The following CPLX2 variants were observed in gnomAD, a reference collection of about 807,000 sequenced individuals.
CPLX2 encodes complexin 2.
In CPLX2, 5 loss-of-function variants were observed where a neutral mutation model predicts 16.3. The observed-to-expected ratio is 0.31, with a 90% CI of 0.16 to 0.64. The LOEUF (loss-of-function observed/expected upper bound fraction) is 0.64, where lower values mean the gene tolerates loss of function less well. Among genes scored for constraint, CPLX2 ranks in the 30% least tolerant of loss-of-function variants. The probability of loss-of-function intolerance (pLI) is 0.79; values close to 1 mark genes in which losing one functional copy is unlikely to be tolerated. For synonymous variants in CPLX2, 89 were observed against 73.2 expected (o/e 1.22, Z -1.10); for missense variants, 144 against 181.4 (o/e 0.79, Z 1.18).
chr5:175,832,115 T>C (rs1350295123), intron 2 of CPLX2, among the ~76,000 whole-genome samples: 1 of 152,156 alleles, frequency 6.6e-6, no homozygotes, highest in Non-Finnish European at 1.5e-5. Flanking sequence ...CCAAAAAGGT[T>C]CCTGGCCCTG....
chr5:175,814,271 A>G (rs892880718), intron 2 of CPLX2, among the ~76,000 whole-genome samples: 2 of 152,186 alleles, frequency 1.3e-5, no homozygotes, highest in Non-Finnish European at 2.9e-5. Context: ...CCTAAGAAGG[A>G]GGGAGATTGC....
intron 1 of CPLX2, among the ~76,000 whole-genome samples, chr5:175,801,161 T>TAAAAAAAA (rs3051187): frequency 5.0e-5 from 7 of 140,974 alleles, no homozygotes; most frequent in South Asian, 2.2e-4. Flanking sequence ...AGAGGAGTGT[T>TAAAAAAAA]AAAAAAAAAA....
In CPLX2 at chr5:175,797,328, G is replaced by T. The variant is rs1028849837; in HGVS notation, c.-169+544G>T. Reference sequence around the variant, plus strand: ...GGGCCTAGCACAGCCGCGCGTCTCCGGCTTGGGTCCGCCGCCCGCCGAGGC... The same window carrying T: ...GGGCCTAGCACAGCCGCGCGTCTCCTGCTTGGGTCCGCCGCCCGCCGAGGC... On this transcript the variant is annotated intron_variant, in intron 1 of 4. Transcript: ENST00000359546. Among the ~76,000 whole-genome samples, 7 of 152,286 alleles carry T rather than the reference G, an allele frequency of 4.6e-5. No individual in the cohort carries two copies. In the South Asian group the frequency reaches 1.4e-3, roughly 32 times the overall value.
chr5:175,797,014 G>T lies in CPLX2; in HGVS notation c.-169+230G>T, dbSNP rs1051324627. Among the ~76,000 whole-genome samples the T allele has an allele frequency of 2.6e-5, 4 of 152,200 alleles. No individual in the cohort carries two copies. In the South Asian group the frequency reaches 8.3e-4, roughly 32 times the overall value. On this transcript the variant is annotated intron_variant, in intron 1 of 4. Coordinates refer to the CPLX2 transcript ENST00000359546. ...CCATCTCGGGGACAGCTCCCGCGCC[G>T]CACCGGGTCCCTATCGGGTCAGCAC...
intron 2 of CPLX2, among the ~76,000 whole-genome samples, chr5:175,841,766 G>A (rs1758948852): frequency 1.3e-5 from 2 of 152,120 alleles, no homozygotes; most frequent in South Asian, 4.2e-4. Context: ...GACTGAATGG[G>A]AATCCCAGCT....
At chr5:175,839,832 A>G (rs4867806) in intron 2 of CPLX2, among the ~76,000 whole-genome samples, 56,482 of 152,126 alleles carry the variant, frequency 0.37, 10,781 homozygotes, top group African/African-American at 0.45. Context: ...ACTTGACACA[A>G]TGACACATTT....
chr5:175,856,734 G>C (rs554856952), intron 2 of CPLX2, among the ~76,000 whole-genome samples: 1 of 152,256 alleles, frequency 6.6e-6, no homozygotes, highest in Admixed American at 6.5e-5. Context: ...AGAGTGGGCT[G>C]ATGAAAGGAC....
chr5:175,834,147 T>C (rs1318017119), intron 2 of CPLX2, among the ~76,000 whole-genome samples: 1 of 152,236 alleles, frequency 6.6e-6, no homozygotes, highest in Non-Finnish European at 1.5e-5. Context: ...GCTCTGCCAC[T>C]GATGTAGCTT....
Position 175,879,089 on chromosome 5 carries a change from C to T in CPLX2, c.207+6C>T. ...GGCAGCAGATCCGAGATAAGGTCAGCTCCGCCCGCCCGCCCGTCCTGGGGA... is the reference window on the plus strand; with the variant it reads ...GGCAGCAGATCCGAGATAAGGTCAGTTCCGCCCGCCCGCCCGTCCTGGGGA... On this transcript the variant is annotated splice_donor_region_variant and intron_variant, in intron 3 of 3. Coordinates refer to ENST00000393745, the MANE Select transcript of CPLX2 (RefSeq NM_001008220.2). 1 of 1,558,796 alleles carries T rather than the reference C, an allele frequency of 6.4e-7. No individual in the cohort carries two copies. Among genetic ancestry groups the T allele is most frequent in the East Asian group, 2.4e-5 (1 of 41,734 alleles).
At chr5:175,871,127 A>AG (rs1196201311), upstream of CPLX2, among the ~76,000 whole-genome samples, 19 of 152,094 alleles carry the variant, frequency 1.2e-4, no homozygotes, top group East Asian at 2.5e-3. Context: ...TTTCCCAAGG[A>AG]GGTGAACTTT....
At chr5:175,843,020 C>T (rs558845847) in intron 2 of CPLX2, among the ~76,000 whole-genome samples, 1 of 152,332 alleles carries the variant, frequency 6.6e-6, no homozygotes, top group South Asian at 2.1e-4. Context: ...CAGCTCATCC[C>T]CCCAGGCTGA....
At chr5:175,863,903 A>G (rs571522076) in intron 2 of CPLX2, among the ~76,000 whole-genome samples, 2 of 152,276 alleles carry the variant, frequency 1.3e-5, no homozygotes, top group East Asian at 3.9e-4. Context: ...AAGAAGAACC[A>G]TCTCCCCCAT....
intron 2 of CPLX2, among the ~76,000 whole-genome samples, chr5:175,852,249 A>G (rs754640623): frequency 6.6e-5 from 10 of 152,258 alleles, no homozygotes; most frequent in African/African-American, 1.7e-4. Context: ...TTTACCAATG[A>G]CAAAGTATTT....
At chr5:175,833,406 C>A (rs970072726) in intron 2 of CPLX2, among the ~76,000 whole-genome samples, 1 of 152,068 alleles carries the variant, frequency 6.6e-6, no homozygotes, top group Non-Finnish European at 1.5e-5. Context: ...GCACAGAAGG[C>A]CTCTAGGGTG....
rs546378575 is a variant in CPLX2, at chr5:175,836,788, TTTA to T, written c.-89+27721_-89+27723del. Among the ~76,000 whole-genome samples, 9 of 152,330 alleles carry T rather than the reference TTTA, an allele frequency of 5.9e-5. No homozygotes were observed. The South Asian group carries it at 1.9e-3, about 32-fold the overall frequency. On this transcript the variant is annotated intron_variant, in intron 2 of 4. Transcript: ENST00000359546. ...TAATCATTCTCAATCCATGCCTCCC[TTTA>T]CAGTCTATGAAGCTCCAGCAGCCAT...
Position 175,863,850 on chromosome 5 carries a change from G to A in CPLX2, c.-88-14802G>A, listed in dbSNP as rs546271859. Among the ~76,000 whole-genome samples, 3 of 152,286 alleles carry A rather than the reference G, an allele frequency of 2.0e-5. No individual in the cohort carries two copies. The South Asian group carries it at 6.2e-4, about 32-fold the overall frequency. On this transcript the variant is annotated intron_variant, in intron 2 of 4. Coordinates refer to the CPLX2 transcript ENST00000359546. Reference sequence around the variant, plus strand: ...GGACACAAATATCCTAGGCCTTCATGTGCAGGAGAGGCAGGGAGGAAGCCA... The same window carrying A: ...GGACACAAATATCCTAGGCCTTCATATGCAGGAGAGGCAGGGAGGAAGCCA...
chr5:175,806,805 T>C (rs1758214141), intron 1 of CPLX2, among the ~76,000 whole-genome samples: 1 of 152,086 alleles, frequency 6.6e-6, no homozygotes, highest in Admixed American at 6.6e-5. Context: ...GCCTCAGCTA[T>C]GAAGTTTTTA....
chr5:175,838,536 G>C (rs1031850341), intron 2 of CPLX2, among the ~76,000 whole-genome samples: 1 of 151,406 alleles, frequency 6.6e-6, no homozygotes, highest in African/African-American at 2.5e-5. Flanking sequence ...CCAAAAGTGC[G>C]CGTGAGCCAC....
At position 175,823,051 on chromosome 5, in the gene CPLX2, GTC is replaced by G. The variant is rs150572341; in HGVS notation, c.-89+13985_-89+13986del. ...TCAGGTGTCATCTCCTCAAAAAAAA[GTC>G]TTCTCTAATCCCTTAAGGATGTGTT... On this transcript the variant is annotated intron_variant, in intron 2 of 4. Coordinates refer to the CPLX2 transcript ENST00000359546. Among the ~76,000 whole-genome samples, 1,025 of 152,364 alleles carry G rather than the reference GTC, an allele frequency of 6.7e-3. 12 individuals are homozygous for G. The highest frequency in any genetic ancestry group is 0.024 in the African/African-American group (983 of 41,598).
Sources: allele counts gnomAD v4.1 joint callset (sites outside exome capture counted in the v4.1 genomes callset), GRCh38; gene constraint gnomAD v4.1.1; transcripts MANE v1.5; gene names NCBI Gene and HGNC (gene_info 2026-07-23, HGNC 2026-07-21).